The following ENKUR variants were observed in gnomAD, a reference collection of about 807,000 sequenced individuals.
ENKUR encodes enkurin.
A neutral mutation model predicts 27.6 loss-of-function variants in ENKUR; 19 were observed. The observed-to-expected ratio is 0.69, with a 90% CI of 0.48 to 1.01. ENKUR has a LOEUF of 1.01. Ranked by LOEUF, ENKUR falls within the 50% of genes least tolerant of loss-of-function variation. ENKUR has a pLI of 0.00. For missense variants in ENKUR, 312 were observed against 310.5 expected (o/e 1.00, Z -0.04); for synonymous variants, 117 against 96.9 (o/e 1.21, Z -1.22).
chr10:25,051,917 C>A (rs1851190103), intron 2 of ENKUR, among the ~76,000 whole-genome samples: 1 of 152,200 alleles, frequency 6.6e-6, no homozygotes, highest in South Asian at 2.1e-4. Context: ...CTGCAATTCA[C>A]AGCTAGGATA....
At chr10:25,056,423 C>G (rs1000257642) in intron 2 of ENKUR, among the ~76,000 whole-genome samples, 1 of 152,076 alleles carries the variant, frequency 6.6e-6, no homozygotes, top group Non-Finnish European at 1.5e-5. Flanking sequence ...TGGGGGAAGA[C>G]GCATTCATAT....
chr10:24,987,992 G>A (rs1372228544), intron 4 of ENKUR, among the ~76,000 whole-genome samples: 1 of 151,708 alleles, frequency 6.6e-6, no homozygotes, highest in Non-Finnish European at 1.5e-5. Context: ...AAGCCAAGGC[G>A]GGTGGATCAC....
chr10:25,026,876 C>G (rs1850864147), intron 2 of ENKUR, among the ~76,000 whole-genome samples: 1 of 149,898 alleles, frequency 6.7e-6, no homozygotes, highest in African/African-American at 2.5e-5. Flanking sequence ...AGATCTCTGG[C>G]TTAGCTTCTA....
chr10:25,023,946 C>G (rs758315580), intron 2 of ENKUR: 13 of 1,614,088 alleles, frequency 8.1e-6, no homozygotes, highest in Admixed American at 3.3e-5. Context: ...GGCCTGAAGA[C>G]TGTGAACAGA....
intron 3 of ENKUR, among the ~76,000 whole-genome samples, chr10:24,994,837 A>T (rs1032395826): frequency 6.6e-6 from 1 of 151,476 alleles, no homozygotes; most frequent in Non-Finnish European, 1.5e-5. Flanking sequence ...CCTGGCCAAC[A>T]TGGTGAAACC....
chr10:25,051,933 T>C (rs2130487365), intron 2 of ENKUR, among the ~76,000 whole-genome samples: 2 of 152,362 alleles, frequency 1.3e-5, no homozygotes, highest in East Asian at 3.9e-4. Flanking sequence ...GGATACCTAG[T>C]GGCTTGTAGC....
At chr10:25,016,257 A>G, upstream of ENKUR, 5 of 903,160 alleles carry the variant, frequency 5.5e-6, no homozygotes, top group Non-Finnish European at 6.8e-6. Context: ...GCCTTCTGCT[A>G]GAGAAGCTCA....
intron 2 of ENKUR, among the ~76,000 whole-genome samples, chr10:25,040,074 C>T (rs939001195): frequency 1.4e-4 from 22 of 152,044 alleles, no homozygotes; most frequent in African/African-American, 4.8e-4. Context: ...GGGCCTCTCT[C>T]CTCACTTGGC....
At chr10:25,035,560 A>T (rs78271651) in intron 2 of ENKUR, among the ~76,000 whole-genome samples, 2 of 74,934 alleles carry the variant, frequency 2.7e-5, no homozygotes, top group African/African-American at 7.6e-5. Flanking sequence ...TGTCTCAAGG[A>T]AAAAAAAAAA....
chr10:25,035,636 C>G (rs1428182355), intron 2 of ENKUR, among the ~76,000 whole-genome samples: 5 of 151,906 alleles, frequency 3.3e-5, no homozygotes, highest in Non-Finnish European at 5.9e-5. Flanking sequence ...TTGGTCTTCT[C>G]CCTCCAGTAT....
In ENKUR at chr10:24,999,469, G is replaced by T. The variant is rs776798562; in HGVS notation, c.155C>A (p.Ala52Glu). The T allele has an allele frequency of 1.9e-6, 3 of 1,612,950 alleles. No homozygotes were observed. The highest frequency in any genetic ancestry group is 2.7e-5 in the African/African-American group (2 of 74,840). ...CTTTGGAGAAGGTACTTCAACTTTT[G>T]CTGGTCCCATAGTTTTCATTGCAGT... is the stretch of plus-strand genomic sequence containing the variant. ...AKTAMKTMGPAKVEVPSPKDF... is the reference protein window; with the variant it reads ...AKTAMKTMGPEKVEVPSPKDF... The change falls in exon 2 of 6, where the codon GCA (alanine) becomes GAA (glutamate). Residue 52 changes from alanine to glutamate, a missense_variant. Physicochemically the swap from Ala to Glu is moderately radical, Grantham distance 107. Coordinates refer to ENST00000331161, the MANE Select transcript of ENKUR (RefSeq NM_145010.4).
chr10:25,012,911 C>A (rs1850482894), intron 1 of ENKUR, among the ~76,000 whole-genome samples: 2 of 152,102 alleles, frequency 1.3e-5, no homozygotes, highest in African/African-American at 4.8e-5. Context: ...CATCCCCACG[C>A]AAATCTCACA....
chr10:25,024,086 A>G (rs1182185592), intron 2 of ENKUR: 1 of 1,614,224 alleles, frequency 6.2e-7, no homozygotes, highest in East Asian at 2.2e-5. Flanking sequence ...GGAGCAACCT[A>G]CGTAGAAAGA....
intron 2 of ENKUR, among the ~76,000 whole-genome samples, chr10:25,060,402 C>T (rs758272280): frequency 2.0e-5 from 3 of 152,076 alleles, no homozygotes; most frequent in Non-Finnish European, 2.9e-5. Context: ...CAAATAGATC[C>T]GCAGCAGAAA....
chr10:25,056,755 T>C (rs1280815919), intron 2 of ENKUR, among the ~76,000 whole-genome samples: 1 of 152,220 alleles, frequency 6.6e-6, no homozygotes, highest in Non-Finnish European at 1.5e-5. Flanking sequence ...CAGAGACTAG[T>C]GGCCTGTGTC....
At chr10:25,005,558 G>C (rs1850293415) in intron 1 of ENKUR, among the ~76,000 whole-genome samples, 1 of 152,110 alleles carries the variant, frequency 6.6e-6, no homozygotes, top group Admixed American at 6.5e-5. Context: ...ACACTATCGT[G>C]TGGAACTCTG....
intron 2 of ENKUR, among the ~76,000 whole-genome samples, chr10:25,059,456 A>G (rs940193084): frequency 4.6e-5 from 7 of 152,148 alleles, no homozygotes; most frequent in Non-Finnish European, 1.0e-4. Flanking sequence ...TTAGTATAGT[A>G]TTATACTATG....
chr10:25,024,920 T>G (rs750383024), intron 2 of ENKUR: 2 of 1,613,770 alleles, frequency 1.2e-6, no homozygotes, highest in Non-Finnish European at 1.7e-6. Context: ...TCAATAGATA[T>G]TCTCAAATCT....
chr10:25,034,456 A>T (rs1197044672), intron 2 of ENKUR, among the ~76,000 whole-genome samples: 2 of 152,216 alleles, frequency 1.3e-5, no homozygotes, highest in Non-Finnish European at 2.9e-5. Flanking sequence ...AATCTGAATG[A>T]TTCCGTTTCC....
Sources: allele counts gnomAD v4.1 joint callset (sites outside exome capture counted in the v4.1 genomes callset), GRCh38; gene constraint gnomAD v4.1.1; transcripts MANE v1.5; gene names NCBI Gene and HGNC (gene_info 2026-07-23, HGNC 2026-07-21).